RNF111: variants seen among roughly 807,000 people sequenced by gnomAD.
RNF111 encodes ring finger protein 111.
RNF111 carries 17 observed loss-of-function variants against 95.1 expected under a neutral mutation model. The observed-to-expected ratio is 0.18, with a 90% CI of 0.12 to 0.27. The LOEUF (loss-of-function observed/expected upper bound fraction) is 0.27, where lower values mean the gene tolerates loss of function less well. Ranked by LOEUF, RNF111 falls within the 10% of genes least tolerant of loss-of-function variation. The pLI is 1.00. For missense variants in RNF111, 1,189 were observed against 1,210.4 expected (o/e 0.98, Z 0.26); for synonymous variants, 440 against 414.8 (o/e 1.06, Z -0.74).
At position 59,092,615 on chromosome 15, in the gene RNF111, A is replaced by C. The variant is rs993296113; in HGVS notation, c.2818A>C (p.Ile940Leu). The C allele has an allele frequency of 3.1e-6, 5 of 1,611,738 alleles. No homozygotes were observed. Among genetic ancestry groups the C allele is most frequent in the Non-Finnish European group, 3.4e-6 (4 of 1,178,544 alleles). The change falls in exon 13 of 14, where the codon ATT becomes CTT. Residue 940 changes from isoleucine (I) to leucine (L), a missense_variant. Physicochemically the swap from Ile to Leu is conservative, Grantham distance 5. Transcript: ENST00000348370. The stretch of plus-strand genomic sequence containing the variant: ...GGAAAAATGTACTATCTGTTTGTCT[A>C]TTTTAGAGGAAGGTGAAGATGTGAG... ...TEEKCTICLS[I>L]LEEGEDVRRL... is the part of the protein sequence containing the mutation.
intron 1 of RNF111, among the ~76,000 whole-genome samples, chr15:59,003,146 C>T (rs1413016700): frequency 6.6e-6 from 1 of 152,208 alleles, no homozygotes; most frequent in African/African-American, 2.4e-5. Flanking sequence ...GACAAGGTCT[C>T]ACTCAGTTTC....
intron 5 of RNF111, among the ~76,000 whole-genome samples, chr15:59,061,611 GTCC>G (rs1229518991): frequency 6.6e-6 from 1 of 152,128 alleles, no homozygotes; most frequent in African/African-American, 2.4e-5. Flanking sequence ...CTCTCTACCT[GTCC>G]TCCTCTACTA....
chr15:59,082,615 C>T (rs1441835122), intron 8 of RNF111, among the ~76,000 whole-genome samples: 5 of 152,114 alleles, frequency 3.3e-5, no homozygotes, highest in East Asian at 1.9e-4. Context: ...TTTTCAGTTA[C>T]AAACAAACTG....
chr15:59,059,204 T>C (rs2042329546), intron 5 of RNF111, among the ~76,000 whole-genome samples: 1 of 152,074 alleles, frequency 6.6e-6, no homozygotes, highest in African/African-American at 2.4e-5. Context: ...GAGAAAAGAT[T>C]TGAATAGATA....
In RNF111 at chr15:59,062,295, A is replaced by T. The variant is rs375963714; in HGVS notation, c.1366+3745A>T. Among the ~76,000 whole-genome samples the T allele has an allele frequency of 8.5e-5, 13 of 152,058 alleles. No individual in the cohort carries two copies. In the East Asian group the frequency reaches 2.5e-3, roughly 29 times the overall value. ...TGGACTCAGGCAATTCACTTGCCTC[A>T]GCTTTCCAAAGTGTTGGGATTACAA... On this transcript the variant is annotated intron_variant, in intron 5 of 13. Transcript: ENST00000348370.
At chr15:59,083,994 T>A in intron 8 of RNF111, 135 bp from the exon 9 acceptor site, 1 of 616,358 alleles carries the variant, frequency 1.6e-6, no homozygotes, top group Non-Finnish European at 2.3e-6. Context: ...TTTTATAATT[T>A]ATTATAAAAT....
In RNF111 at chr15:59,094,944, T is replaced by C; in HGVS notation, c.*44T>C. 1 of 1,128,918 alleles carries C rather than the reference T, an allele frequency of 8.9e-7. No homozygotes were observed. The highest frequency in any genetic ancestry group is 1.7e-5 in the Admixed American group (1 of 58,862). 69.9% of individuals were successfully genotyped at this position (1,128,918 alleles called of 1,614,324 possible). On this transcript the variant is annotated 3_prime_UTR_variant, in exon 14 of 14. Coordinates refer to ENST00000348370, the MANE Select transcript of RNF111 (RefSeq NM_017610.8). ...TTGCCCTCCCTCTCATTCCCATCCT[T>C]CCTGGTACTGCAGTCAACCAAAGAT...
intron 1 of RNF111, among the ~76,000 whole-genome samples, chr15:58,996,080 CTTCTT>C (rs1396500925): frequency 9.2e-5 from 14 of 151,746 alleles, no homozygotes; most frequent in African/African-American, 2.7e-4. Flanking sequence ...CAATTTTTTT[CTTCTT>C]TTCTTTTTCA....
intron 2 of RNF111, among the ~76,000 whole-genome samples, chr15:59,051,276 A>G (rs2041967595): frequency 6.6e-6 from 1 of 151,446 alleles, no homozygotes; most frequent in South Asian, 2.1e-4. Context: ...ACACAGTGAA[A>G]CCCCGTCTCT....
chr15:59,009,977 A>G (rs79321970), intron 1 of RNF111, among the ~76,000 whole-genome samples: 1,736 of 152,142 alleles, frequency 0.011, 12 homozygotes, highest in Non-Finnish European at 0.018. Context: ...CAAAAATTAA[A>G]ATGATTTTGC....
At chr15:59,074,926 A>C (rs145184660) in intron 6 of RNF111, among the ~76,000 whole-genome samples, 1 of 152,116 alleles carries the variant, frequency 6.6e-6, no homozygotes, top group African/African-American at 2.4e-5. Flanking sequence ...CCTAATTTCA[A>C]TGTTGTTGTG....
chr15:59,043,157 A>AT (rs201949013), intron 2 of RNF111, among the ~76,000 whole-genome samples: 3,994 of 145,080 alleles, frequency 0.028, 177 homozygotes, highest in African/African-American at 0.093. Context: ...CAATTTAGTA[A>AT]TTTTTTTTTT....
chr15:59,090,988 A>G, intron 11 of RNF111, 71 bp from the exon 12 acceptor site: 1 of 921,300 alleles, frequency 1.1e-6, no homozygotes, highest in Non-Finnish European at 1.7e-6. Flanking sequence ...TATTTCTTAT[A>G]CAATGTTGAC....
chr15:59,068,344 C>T (rs886501548), intron 6 of RNF111, among the ~76,000 whole-genome samples: 4 of 152,224 alleles, frequency 2.6e-5, no homozygotes, highest in African/African-American at 2.4e-5. Flanking sequence ...TGGTGGCTCA[C>T]GCCTGTAATT....
At chr15:59,076,456 T>C (rs544627189) in intron 7 of RNF111, among the ~76,000 whole-genome samples, 6 of 152,344 alleles carry the variant, frequency 3.9e-5, no homozygotes, top group Non-Finnish European at 8.8e-5. Context: ...GTAGTATTTC[T>C]AGGCACAGTA....
chr15:59,013,866 G>A (rs142735240), intron 1 of RNF111, among the ~76,000 whole-genome samples: 162 of 151,986 alleles, frequency 1.1e-3, no homozygotes, highest in African/African-American at 3.8e-3. Context: ...TTGGCTCACT[G>A]CAACCTCTGC....
At chr15:59,076,903 A>T (rs2078580512) in intron 7 of RNF111, among the ~76,000 whole-genome samples, 1 of 152,208 alleles carries the variant, frequency 6.6e-6, no homozygotes, top group Non-Finnish European at 1.5e-5. Context: ...CAGCAAGGAA[A>T]TTTGTGTTTT....
intron 6 of RNF111, among the ~76,000 whole-genome samples, chr15:59,072,642 C>A (rs562004006): frequency 2.6e-5 from 4 of 151,340 alleles, no homozygotes; most frequent in Non-Finnish European, 5.9e-5. Flanking sequence ...TTAGTAGAGA[C>A]GGGGTTTCAC....
In RNF111 at chr15:59,085,682, T is replaced by G; in HGVS notation, c.2447T>G (p.Val816Gly). ...AGGGAACTGGGAATTGAAGCTGGAG[T>G]GACTGCAGCTACTTATACACCTGGT... ...SAWELGIEAG[V>G]TAATYTPGAL... Residue 816 changes from valine to glycine, a missense_variant, in exon 10 of 14, where the codon GTG becomes GGG. Physicochemically the swap from Val to Gly is moderately radical, Grantham distance 109 (BLOSUM62 -3). Around this residue, in one of 2 missense-constraint regions of RNF111, gnomAD observed 165 missense variants for 284.6 expected, o/e 0.58. Transcript: ENST00000348370. The G allele has an allele frequency of 6.2e-7, 1 of 1,613,406 alleles. No individual in the cohort carries two copies. The highest frequency in any genetic ancestry group is 8.5e-7 in the Non-Finnish European group (1 of 1,179,584).
Sources: gnomAD v4.1 joint callset for allele counts (sites outside exome capture counted in the v4.1 genomes callset) on GRCh38, gnomAD v4.1.1 for gene constraint, gnomAD v4.1.1 regional missense constraint, MANE v1.5 for transcripts, NCBI Gene and HGNC (gene_info 2026-07-23, HGNC 2026-07-21) for gene names.